NRCAM: variants seen among roughly 807,000 people sequenced by gnomAD.
NRCAM encodes the protein NgCAM-related cell adhesion molecule.
NRCAM carries 83 observed loss-of-function variants against 156.5 expected under a neutral mutation model. The observed-to-expected ratio is 0.53, with a 90% CI of 0.44 to 0.64. NRCAM has a LOEUF of 0.64. NRCAM is among the 30% of genes least tolerant of loss of function. NRCAM has a pLI of 0.00. For missense variants in NRCAM, 1,417 were observed against 1,597.3 expected (o/e 0.89, Z 1.92); for synonymous variants, 538 against 563.9 (o/e 0.95, Z 0.65).
chr7:108,338,534 T>C (rs1482845655), intron 2 of NRCAM, among the ~76,000 whole-genome samples: 2 of 145,666 alleles, frequency 1.4e-5, no homozygotes, highest in Non-Finnish European at 3.0e-5. Context: ...AGTTTGTAAA[T>C]GGCTAAGAGA....
chr7:108,175,109 G>C (rs772879182), intron 28 of NRCAM, among the ~76,000 whole-genome samples: 3 of 152,220 alleles, frequency 2.0e-5, no homozygotes, highest in Non-Finnish European at 2.9e-5. Flanking sequence ...CCAGGGATAA[G>C]TCTCAAGAAA....
chr7:108,423,950 C>T (rs1813637069), intron 1 of NRCAM, among the ~76,000 whole-genome samples: 1 of 152,172 alleles, frequency 6.6e-6, no homozygotes, highest in Admixed American at 6.5e-5. Flanking sequence ...GGGACAAATC[C>T]CACATCTAAA....
chr7:108,282,347 A>C (rs1397630594), intron 3 of NRCAM, among the ~76,000 whole-genome samples: 1 of 152,210 alleles, frequency 6.6e-6, no homozygotes, highest in Non-Finnish European at 1.5e-5. Flanking sequence ...TCTTTAAAGA[A>C]AGAAATCTAT....
At chr7:108,357,810 A>AAAAC (rs2099516488) in intron 2 of NRCAM, among the ~76,000 whole-genome samples, 1 of 152,208 alleles carries the variant, frequency 6.6e-6, no homozygotes, top group South Asian at 2.1e-4. Flanking sequence ...ATTTCTAACA[A>AAAAC]AAACAGTTTC....
intron 6 of NRCAM, among the ~76,000 whole-genome samples, 167 bp downstream of exon 6, chr7:108,234,416 T>C (rs1420863344): frequency 6.6e-6 from 1 of 152,156 alleles, no homozygotes; most frequent in Non-Finnish European, 1.5e-5. Context: ...CTGGGATAGA[T>C]GAACCAAAGG....
At chr7:108,416,253 G>C (rs185992923) in intron 1 of NRCAM, among the ~76,000 whole-genome samples, 3 of 152,236 alleles carry the variant, frequency 2.0e-5, no homozygotes, top group East Asian at 3.8e-4. Flanking sequence ...GAGTAGGATA[G>C]AGACAGCAGA....
At chr7:108,326,777 C>T (rs535379468) in intron 2 of NRCAM, among the ~76,000 whole-genome samples, 1 of 152,236 alleles carries the variant, frequency 6.6e-6, no homozygotes, top group South Asian at 2.1e-4. Context: ...GGGGAAAGTG[C>T]CCTAGATTCC....
At chr7:108,187,614 T>C (rs1033739648) in intron 20 of NRCAM, among the ~76,000 whole-genome samples, 2 of 152,178 alleles carry the variant, frequency 1.3e-5, no homozygotes, top group Non-Finnish European at 2.9e-5. Flanking sequence ...TAGATATATA[T>C]GAGTTTGAGT....
At chr7:108,168,824 C>T (rs1253421862) in intron 28 of NRCAM, among the ~76,000 whole-genome samples, 1 of 152,120 alleles carries the variant, frequency 6.6e-6, no homozygotes, top group Admixed American at 6.5e-5. Context: ...ACTTTTCAAA[C>T]CTATTTGTCA....
At chr7:108,347,226 T>A (rs1250355295) in intron 2 of NRCAM, among the ~76,000 whole-genome samples, 1 of 151,886 alleles carries the variant, frequency 6.6e-6, no homozygotes, top group Non-Finnish European at 1.5e-5. Context: ...TTTATAGAGA[T>A]GGGATTTCAC....
intron 11 of NRCAM, among the ~76,000 whole-genome samples, chr7:108,218,257 C>T (rs922427762): frequency 3.3e-5 from 5 of 151,368 alleles, no homozygotes; most frequent in African/African-American, 1.2e-4. Context: ...CCTCTGTGGG[C>T]TGCTTCCACT....
chr7:108,424,610 A>G (rs1207480864), intron 1 of NRCAM, among the ~76,000 whole-genome samples: 1 of 152,178 alleles, frequency 6.6e-6, no homozygotes, highest in Non-Finnish European at 1.5e-5. Context: ...AACTGAATGT[A>G]GGTTAGTCCT....
intron 2 of NRCAM, among the ~76,000 whole-genome samples, chr7:108,335,035 TATA>T (rs1453448665): frequency 6.6e-6 from 1 of 152,186 alleles, no homozygotes; most frequent in Non-Finnish European, 1.5e-5. Context: ...TAACAATCTT[TATA>T]ATAACACTGA....
At chr7:108,393,188 C>T (rs867093102) in intron 2 of NRCAM, among the ~76,000 whole-genome samples, 1 of 152,274 alleles carries the variant, frequency 6.6e-6, no homozygotes, top group Middle Eastern at 3.4e-3. Flanking sequence ...GGCAGGCAGG[C>T]CTCCTTGAGC....
At chr7:108,280,649 T>A (rs1463273770) in intron 3 of NRCAM, among the ~76,000 whole-genome samples, 1 of 152,244 alleles carries the variant, frequency 6.6e-6, no homozygotes, top group Non-Finnish European at 1.5e-5. Flanking sequence ...TGAAAATAGT[T>A]TGACCGTTGT....
At chr7:108,407,957 G>A (rs2154406009) in intron 1 of NRCAM, among the ~76,000 whole-genome samples, 1 of 152,274 alleles carries the variant, frequency 6.6e-6, no homozygotes, top group South Asian at 2.1e-4. Context: ...CTCTCCAGGT[G>A]GTTGTAATGT....
chr7:108,312,551 C>T (rs1216757272), intron 3 of NRCAM, 114 bp downstream of exon 3: 1 of 152,140 alleles, frequency 6.6e-6, no homozygotes, highest in Non-Finnish European at 1.5e-5. Flanking sequence ...TTATCATACT[C>T]TCTGGATTGA....
intron 8 of NRCAM, among the ~76,000 whole-genome samples, chr7:108,229,541 G>A (rs1471657863): frequency 2.6e-5 from 4 of 152,098 alleles, no homozygotes; most frequent in African/African-American, 9.7e-5. Flanking sequence ...TTCTCCATGA[G>A]TTCTTCACCT....
At chr7:108,152,456 G>A (rs923286741) in intron 32 of NRCAM, among the ~76,000 whole-genome samples, 1 of 152,064 alleles carries the variant, frequency 6.6e-6, no homozygotes, top group Non-Finnish European at 1.5e-5. Context: ...AGTTAAGTAA[G>A]GGGAGTGGCA....
Sources: allele counts gnomAD v4.1 joint callset (sites outside exome capture counted in the v4.1 genomes callset), GRCh38; gene constraint gnomAD v4.1.1; transcripts MANE v1.5; gene names NCBI Gene and HGNC (gene_info 2026-07-23, HGNC 2026-07-21).